The following HDAC8 variants were observed in gnomAD, a reference collection of about 807,000 sequenced individuals.
HDAC8 encodes the protein histone deacetylase 8, also known as histone deacetylase-like 1.
Under a neutral mutation model 32.2 loss-of-function variants are expected in HDAC8, and 1 was observed. The ratio of observed to expected loss-of-function variants is 0.03; its 90% CI spans 0.01 to 0.15. The LOEUF (loss-of-function observed/expected upper bound fraction) is 0.15, where lower values mean the gene tolerates loss of function less well. Ranked by LOEUF, HDAC8 falls within the 10% of genes least tolerant of loss-of-function variation. The probability of loss-of-function intolerance (pLI) is 1.00; values close to 1 mark genes in which losing one functional copy is unlikely to be tolerated. For missense variants in HDAC8, 117 were observed against 300.0 expected, an observed-to-expected ratio of 0.39 and a Z score of 4.51; for synonymous variants, 108 against 113.9, an observed-to-expected ratio of 0.95 and a Z score of 0.33.
chrX:72,379,474 T>C (rs2045199509), intron 9 of HDAC8, among the ~76,000 whole-genome samples: 1 of 106,076 alleles, frequency 9.4e-6, no homozygotes, highest in South Asian at 4.2e-4. Context: ...TTGCTGCTGG[T>C]GTTTATTTGT....
At chrX:72,360,867 G>A (rs1240376774) in intron 9 of HDAC8, among the ~76,000 whole-genome samples, 1 of 112,114 alleles carries the variant, frequency 8.9e-6, no homozygotes, top group Non-Finnish European at 1.9e-5. Context: ...ATATTATTGG[G>A]AGTAGATTTT....
At chrX:72,459,775 A>G (rs1474461518) in intron 9 of HDAC8, among the ~76,000 whole-genome samples, 1 of 111,433 alleles carries the variant, frequency 9.0e-6, no homozygotes, top group African/African-American at 3.3e-5. Context: ...GACATTTAGC[A>G]TGGTGTCTGG....
At chrX:72,444,148 T>C (rs1555983441) in intron 9 of HDAC8, among the ~76,000 whole-genome samples, 4 of 105,144 alleles carry the variant, frequency 3.8e-5, no homozygotes, top group Non-Finnish European at 3.9e-5. Flanking sequence ...ACTATTCCAA[T>C]CAATAGAAAA....
chrX:72,467,991 G>A (rs1555995789), intron 7 of HDAC8: 1 of 1,192,099 alleles, frequency 8.4e-7, no homozygotes, highest in South Asian at 1.9e-5. Context: ...GAGTCCTCAA[G>A]GAGTTCTGAT....
chrX:72,354,823 C>G (rs782820171), intron 9 of HDAC8, among the ~76,000 whole-genome samples: 3 of 112,019 alleles, frequency 2.7e-5, no homozygotes, highest in East Asian at 2.8e-4. Flanking sequence ...CTGACGATGA[C>G]AAATGCTGAC....
chrX:72,468,548 T>A (rs782652581), intron 7 of HDAC8, among the ~76,000 whole-genome samples: 1 of 112,273 alleles, frequency 8.9e-6, no homozygotes, highest in East Asian at 2.8e-4. Flanking sequence ...TGTCATTTGA[T>A]AATATTACTC....
At chrX:72,440,838 C>T (rs1033865066) in intron 9 of HDAC8, among the ~76,000 whole-genome samples, 12 of 112,496 alleles carry the variant, frequency 1.1e-4, no homozygotes, top group South Asian at 3.7e-4. Flanking sequence ...CCTAATACTG[C>T]GCTTTTCCGA....
rs182227593 is a variant in HDAC8, at chrX:72,337,249, C to G, written c.1112-7173G>C. Among the ~76,000 whole-genome samples, 33 of 112,329 alleles carry G rather than the reference C, an allele frequency of 2.9e-4. 1 individual carries two copies. The highest frequency in any genetic ancestry group is 2.1e-3 in the Admixed American group (22 of 10,635). On this transcript the variant is annotated intron_variant, in intron 10 of 10. Transcript: ENST00000373573. The stretch of plus-strand genomic sequence containing the variant: ...AACTTTCTTGGATGATGTGACCATC[C>G]TACAGCTATGCTGCTCAATATGGTA...
chrX:72,514,816 T>A, intron 4 of HDAC8, among the ~76,000 whole-genome samples: 1 of 111,734 alleles, frequency 8.9e-6, no homozygotes, highest in South Asian at 3.8e-4. Context: ...TCAGGACCAG[T>A]CCAAAAATTA....
chrX:72,376,003 T>C (rs1218792300), intron 9 of HDAC8, among the ~76,000 whole-genome samples: 5 of 112,267 alleles, frequency 4.5e-5, no homozygotes, highest in Admixed American at 2.8e-4. Context: ...GTATTGTGTG[T>C]CTTTCTAGGA....
intron 4 of HDAC8, among the ~76,000 whole-genome samples, chrX:72,518,443 GA>G (rs1378163641): frequency 9.0e-6 from 1 of 111,241 alleles, no homozygotes; most frequent in Non-Finnish European, 1.9e-5. Context: ...TAGTTCTGGG[GA>G]ACAGTTTCAG....
At chrX:72,435,958 ACT>A (rs2046938697) in intron 9 of HDAC8, among the ~76,000 whole-genome samples, 1 of 110,520 alleles carries the variant, frequency 9.0e-6, no homozygotes, top group Non-Finnish European at 1.9e-5. Context: ...ATGGAGTGAG[ACT>A]CTGTCTCAAC....
intron 4 of HDAC8, among the ~76,000 whole-genome samples, chrX:72,527,937 G>A (rs782732044): frequency 1.8e-5 from 2 of 109,203 alleles, no homozygotes; most frequent in Non-Finnish European, 3.8e-5. Flanking sequence ...CACCATGCCC[G>A]GCTAATTTTT....
chrX:72,502,083 CCAGT>C (rs1361893568), intron 4 of HDAC8, among the ~76,000 whole-genome samples: 6 of 111,711 alleles, frequency 5.4e-5, no homozygotes, highest in Non-Finnish European at 1.1e-4. Flanking sequence ...CCATGTCACA[CCAGT>C]CAGAGTGGCT....
intron 4 of HDAC8, among the ~76,000 whole-genome samples, chrX:72,495,512 G>A (rs1361755303): frequency 3.6e-5 from 4 of 111,897 alleles, no homozygotes; most frequent in African/African-American, 9.7e-5. Flanking sequence ...GATTTTCAAA[G>A]CATTAGAATA....
chrX:72,409,164 T>C (rs782566226), intron 9 of HDAC8, among the ~76,000 whole-genome samples: 5 of 112,469 alleles, frequency 4.4e-5, no homozygotes, highest in South Asian at 3.7e-4. Context: ...GTTAATGGTA[T>C]CCTAAGTCAG....
At chrX:72,464,454 G>T (rs782023355) in intron 8 of HDAC8, 105 bp downstream of exon 8, 5 of 635,679 alleles carry the variant, frequency 7.9e-6, no homozygotes, top group Non-Finnish European at 1.3e-5. Context: ...CCTCAGGTAG[G>T]TTGGTATTAT....
intron 9 of HDAC8, among the ~76,000 whole-genome samples, chrX:72,432,501 T>A (rs1555977803): frequency 1.8e-5 from 2 of 110,384 alleles, no homozygotes; most frequent in Non-Finnish European, 3.8e-5. Context: ...CTTTCTTACC[T>A]CAGCATCTTT....
chrX:72,406,457 C>T lies in HDAC8; in HGVS notation c.1006-54619G>A, dbSNP rs1312182534. Among the ~76,000 whole-genome samples, 6 of 111,538 alleles carry T rather than the reference C, an allele frequency of 5.4e-5. No homozygotes were observed. In the Admixed American group the frequency reaches 5.7e-4, roughly 11 times the overall value. On this transcript the variant is annotated intron_variant, in intron 9 of 10. Coordinates refer to ENST00000373573, the MANE Select transcript of HDAC8 (RefSeq NM_018486.3). ...TGTTGCCCAGGCTGGTCTCAAACTC[C>T]TGACCTCAAGCGACTCTCCTGCTTC...
Sources: allele counts gnomAD v4.1 joint callset (sites outside exome capture counted in the v4.1 genomes callset), GRCh38; gene constraint gnomAD v4.1.1; transcripts MANE v1.5; gene names NCBI Gene and HGNC (gene_info 2026-07-23, HGNC 2026-07-21).